The following PTPN14 variants were observed in gnomAD, a reference collection of about 807,000 sequenced individuals.
PTPN14 encodes tyrosine-protein phosphatase non-receptor type 14.
In PTPN14, 53 loss-of-function variants were observed where a neutral mutation model predicts 126.8. The ratio of observed to expected loss-of-function variants is 0.42; its 90% CI spans 0.34 to 0.53. PTPN14 has a LOEUF of 0.53. Ranked by LOEUF, PTPN14 falls within the 20% of genes least tolerant of loss-of-function variation. PTPN14 has a pLI of 0.08. For missense variants in PTPN14, 1,257 were observed against 1,552.9 expected (o/e 0.81, Z 3.20); for synonymous variants, 630 against 599.3 (o/e 1.05, Z -0.75).
intron 1 of PTPN14, among the ~76,000 whole-genome samples, chr1:214,515,949 T>C (rs1001577439): frequency 1.8e-4 from 27 of 152,218 alleles, no homozygotes; most frequent in African/African-American, 5.5e-4. Flanking sequence ...AAAACTGCAA[T>C]TGGGCTGATA....
rs58372033 is a variant in PTPN14, at chr1:214,355,959, C to CTTTTTTTTTTTTTTTTTTTTT, written c.*1962_*1963insAAAAAAAAAAAAAAAAAAAAA. 1 of 101,652 alleles carries CTTTTTTTTTTTTTTTTTTTTT rather than the reference C, an allele frequency of 9.8e-6. No homozygotes were observed. The highest frequency in any genetic ancestry group is 3.3e-4 in the South Asian group (1 of 3,044). The allele number at this position is 101,652 out of a possible 1,614,324, so 6.3% of individuals were successfully genotyped here. On this transcript the variant is annotated 3_prime_UTR_variant, in exon 19 of 19. Transcript: ENST00000366956. ...TAGTTTTTCTTGACAACCTTTTTTC[C>CTTTTTTTTTTTTTTTTTTTTT]TTTTTTTTTTTTTTTTTTGGAGGCA... is the stretch of plus-strand genomic sequence containing the variant.
At chr1:214,385,742 C>A (rs1658593647) in intron 12 of PTPN14, among the ~76,000 whole-genome samples, 1 of 152,170 alleles carries the variant, frequency 6.6e-6, no homozygotes. Context: ...AGACATTCAA[C>A]TGTCTGAAGA....
At chr1:214,546,513 T>C (rs67349118) in intron 1 of PTPN14, among the ~76,000 whole-genome samples, 17,034 of 152,226 alleles carry the variant, frequency 0.11, 1,080 homozygotes, top group South Asian at 0.24. Context: ...TAAGGCAAAG[T>C]AGATCAAGTC....
chr1:214,389,136 T>C (rs1385998301), intron 11 of PTPN14, among the ~76,000 whole-genome samples: 1 of 152,238 alleles, frequency 6.6e-6, no homozygotes, highest in Non-Finnish European at 1.5e-5. Context: ...CACAACCATT[T>C]TAAGGCTTTA....
At position 214,414,574 on chromosome 1, in the gene PTPN14, C is replaced by T. The variant is rs924624101; in HGVS notation, c.442+55G>A. 4.7e-6 allele frequency: 7 copies of T among 1,484,276 alleles called. No individual in the cohort carries two copies. The African/African-American group carries it at 6.9e-5, about 15-fold the overall frequency. 91.9% of individuals were successfully genotyped at this position (1,484,276 alleles called of 1,614,324 possible). ...ACTTCTCACTCTGAGAGGCCAGCAA[C>T]ACCATGATCAAACAGAAAATGGAAT... is the stretch of plus-strand genomic sequence containing the variant. On this transcript the variant is annotated intron_variant, in intron 4 of 18. Transcript: ENST00000366956.
At chr1:214,428,997 C>T (rs1443938941) in intron 3 of PTPN14, among the ~76,000 whole-genome samples, 1 of 152,136 alleles carries the variant, frequency 6.6e-6, no homozygotes, top group Non-Finnish European at 1.5e-5. Flanking sequence ...TATGAAAACT[C>T]ACCTAGAGCC....
chr1:214,518,382 A>T (rs1241025245), intron 1 of PTPN14, among the ~76,000 whole-genome samples: 8 of 152,222 alleles, frequency 5.3e-5, no homozygotes, highest in Non-Finnish European at 1.2e-4. Context: ...CAGAATGACA[A>T]TAGTTTATTT....
chr1:214,536,130 C>T (rs80220108), intron 1 of PTPN14, among the ~76,000 whole-genome samples: 1,976 of 133,896 alleles, frequency 0.015, 44 homozygotes, highest in African/African-American at 0.051. Context: ...TAGCTCACAC[C>T]TATAATCCCA....
In PTPN14 at chr1:214,364,103, C is replaced by A. The variant is rs1658016094; in HGVS notation, c.3435+409G>T. 1.3e-5 allele frequency among the ~76,000 whole-genome samples: 2 copies of A among 152,214 alleles called. No individual in the cohort carries two copies. Among genetic ancestry groups the A allele is most frequent in the African/African-American group, 2.4e-5 (1 of 41,456 alleles). On this transcript the variant is annotated intron_variant, in intron 18 of 18. Transcript: ENST00000366956. This position sits in a 1 kb window ranked among gnomAD's most constrained non-coding sequence, Gnocchi z 4.1. ...AACATTTTCCAAGTAGACACATTTT[C>A]ACCTAGCATTTAGGCCAGAACACAT...
chr1:214,454,551 C>T (rs965811090), intron 2 of PTPN14, among the ~76,000 whole-genome samples: 1 of 152,074 alleles, frequency 6.6e-6, no homozygotes, highest in Admixed American at 6.6e-5. Context: ...ACAACACACA[C>T]AAAATGCACA....
chr1:214,510,516 T>A (rs1654949008), intron 1 of PTPN14, among the ~76,000 whole-genome samples: 1 of 152,250 alleles, frequency 6.6e-6, no homozygotes, highest in African/African-American at 2.4e-5. Context: ...ACTTTTCCTA[T>A]AGGTCCACTT....
At position 214,397,657 on chromosome 1, in the gene PTPN14, C is replaced by T. The variant is rs909422756; in HGVS notation, c.758+256G>A. On this transcript the variant is annotated intron_variant, in intron 8 of 18. Transcript: ENST00000366956. ...TGGAGAGCCAGTTTTCAACCAGACT[C>T]ACGAAGTTTAGTTTCATCCTTCTAA... is the stretch of plus-strand genomic sequence containing the variant. Among the ~76,000 whole-genome samples, 5 of 152,198 alleles carry T rather than the reference C, an allele frequency of 3.3e-5. No homozygotes were observed. In the South Asian group the frequency reaches 8.3e-4, roughly 25 times the overall value.
In PTPN14 at chr1:214,383,828, G is replaced by A. The variant is rs202055949; in HGVS notation, c.2027C>T (p.Pro676Leu). 1.5e-5 allele frequency: 24 copies of A among 1,612,480 alleles called. No homozygotes were observed. Among genetic ancestry groups the A allele is most frequent in the Middle Eastern group, 1.6e-4 (1 of 6,062 alleles). The change falls in exon 13 of 19, where the codon CCG (proline) becomes CTG (leucine). Residue 676 changes from proline to leucine, a missense_variant. By Grantham distance (98) the Pro-to-Leu change is moderately conservative. Transcript: ENST00000366956. This position sits in a 1 kb window ranked among gnomAD's most constrained non-coding sequence, Gnocchi z 4.4. The part of the protein sequence containing the change: ...ARRNTLREQG[P>L]PEEGSGSHEV... ...GTGGCTGCCTGACCCCTCCTCGGGC[G>A]GTCCCTGCTCCCGGAGCGTGTTGCG...
intron 1 of PTPN14, among the ~76,000 whole-genome samples, chr1:214,526,553 G>C (rs1423622264): frequency 6.6e-6 from 1 of 151,694 alleles, no homozygotes; most frequent in African/African-American, 2.4e-5. Flanking sequence ...TAGAAAAAGA[G>C]AGGTAGCTCT....
intron 7 of PTPN14, among the ~76,000 whole-genome samples, chr1:214,400,674 G>A (rs1213521333): frequency 6.6e-6 from 1 of 152,216 alleles, no homozygotes; most frequent in African/African-American, 2.4e-5. Context: ...GACTATATAT[G>A]GGCTGCAGAA....
chr1:214,379,733 A>C (rs1558076088), intron 13 of PTPN14, among the ~76,000 whole-genome samples: 1 of 152,150 alleles, frequency 6.6e-6, no homozygotes, highest in Non-Finnish European at 1.5e-5. Flanking sequence ...CCTCTCACCT[A>C]CCTGTGACGT....
chr1:214,422,442 G>A (rs566266870), intron 3 of PTPN14, among the ~76,000 whole-genome samples: 15 of 152,204 alleles, frequency 9.9e-5, no homozygotes, highest in Admixed American at 7.2e-4. Context: ...TGTCAACTAC[G>A]GAGCCTCATC....
At chr1:214,448,257 A>G (rs749448291) in intron 3 of PTPN14, among the ~76,000 whole-genome samples, 9 of 151,978 alleles carry the variant, frequency 5.9e-5, no homozygotes, top group Admixed American at 2.0e-4. Flanking sequence ...TTGAGATGGA[A>G]TCTCGCTCTG....
chr1:214,511,283 G>A (rs920890647), intron 1 of PTPN14, among the ~76,000 whole-genome samples: 1 of 151,970 alleles, frequency 6.6e-6, no homozygotes, highest in African/African-American at 2.4e-5. Flanking sequence ...ACTACAAAAG[G>A]TACTAATAAA....
Sources: allele counts gnomAD v4.1 joint callset (sites outside exome capture counted in the v4.1 genomes callset), GRCh38; gene constraint gnomAD v4.1.1; non-coding constraint Gnocchi (gnomAD v3.1); transcripts MANE v1.5; gene names NCBI Gene and HGNC (gene_info 2026-07-23, HGNC 2026-07-21).